The following MRTFA variants were observed in gnomAD, a reference collection of about 807,000 sequenced individuals.
The protein encoded by MRTFA is myocardin-related transcription factor A.
In MRTFA, 20 loss-of-function variants were observed where a neutral mutation model predicts 83.5. The observed-to-expected ratio is 0.24, with a 90% CI of 0.17 to 0.35. The LOEUF (loss-of-function observed/expected upper bound fraction) is 0.35, where lower values mean the gene tolerates loss of function less well. Among genes scored for constraint, MRTFA ranks in the 10% least tolerant of loss-of-function variants. The probability of loss-of-function intolerance (pLI) is 1.00; values close to 1 mark genes in which losing one functional copy is unlikely to be tolerated. For synonymous variants in MRTFA, 659 were observed against 541.2 expected, an observed-to-expected ratio of 1.22 and a Z score of -3.02; for missense variants, 1,200 against 1,224.7, an observed-to-expected ratio of 0.98 and a Z score of 0.30.
chr22:40,472,632 A>C (rs1189653185), intron 3 of MRTFA, among the ~76,000 whole-genome samples: 1 of 152,232 alleles, frequency 6.6e-6, no homozygotes, highest in Non-Finnish European at 1.5e-5. Flanking sequence ...AATCATGTGA[A>C]CACTTCTAGG....
At chr22:40,576,220 G>A (rs571145785) in intron 2 of MRTFA, among the ~76,000 whole-genome samples, 25 of 151,850 alleles carry the variant, frequency 1.6e-4, no homozygotes, top group African/African-American at 5.8e-4. Flanking sequence ...TAGTACAGAC[G>A]GGGTTTTGCC....
At chr22:40,415,627 C>G (rs375870963) in intron 14 of MRTFA, among the ~76,000 whole-genome samples, 2 of 152,092 alleles carry the variant, frequency 1.3e-5, no homozygotes, top group Non-Finnish European at 2.9e-5. Context: ...CTCCCCAGGA[C>G]CATCTCGGGG....
chr22:40,601,164 T>C (rs1191679480), intron 1 of MRTFA, among the ~76,000 whole-genome samples: 1 of 152,188 alleles, frequency 6.6e-6, no homozygotes, highest in East Asian at 1.9e-4. Context: ...TATAGCTCTT[T>C]CCTTTTGAAA....
In MRTFA at chr22:40,423,596, A is replaced by T; in HGVS notation, c.867T>A (p.Pro289=). ...TAGTGGTTCCATTGGTGAGGCTGGGAGGCAGCAGAGGTGGGGGAGGCAGAG... is the reference window on the plus strand; with the variant it reads ...TAGTGGTTCCATTGGTGAGGCTGGGTGGCAGCAGAGGTGGGGGAGGCAGAG... Residue 289 remains proline (P), a synonymous_variant, in exon 9 of 15, where the codon CCT becomes CCA. Coordinates refer to ENST00000355630, the MANE Select transcript of MRTFA (RefSeq NM_020831.6). 1.3e-6 allele frequency: 2 copies of T among 1,595,086 alleles called. No homozygotes were observed. Among genetic ancestry groups the T allele is most frequent in the South Asian group, 2.3e-5 (2 of 88,334 alleles).
At chr22:40,478,245 G>A (rs890218007) in intron 3 of MRTFA, among the ~76,000 whole-genome samples, 6 of 152,058 alleles carry the variant, frequency 3.9e-5, no homozygotes, top group Non-Finnish European at 1.5e-5. Context: ...ATCCTAGATT[G>A]GATCTGGGAA....
intron 3 of MRTFA, among the ~76,000 whole-genome samples, chr22:40,502,207 G>T (rs1232413306): frequency 2.8e-5 from 4 of 141,988 alleles, no homozygotes; most frequent in African/African-American, 8.0e-5. Context: ...GGGCGGAGAC[G>T]CTCCTCACTT....
intron 3 of MRTFA, among the ~76,000 whole-genome samples, chr22:40,543,453 C>T (rs965305787): frequency 1.3e-5 from 2 of 152,116 alleles, no homozygotes; most frequent in East Asian, 1.9e-4. Flanking sequence ...AGAGGAAAGG[C>T]CCTTTTCACT....
At chr22:40,460,114 G>A (rs1174772928) in intron 4 of MRTFA, among the ~76,000 whole-genome samples, 2 of 151,574 alleles carry the variant, frequency 1.3e-5, no homozygotes, top group Non-Finnish European at 1.5e-5. Context: ...TAGTAGAGAC[G>A]GGGTTTCACC....
chr22:40,540,103 G>C (rs2055264670), intron 3 of MRTFA, among the ~76,000 whole-genome samples: 1 of 151,580 alleles, frequency 6.6e-6, no homozygotes, highest in Admixed American at 6.6e-5. Flanking sequence ...AGAGATGGGG[G>C]TTGTCATCAT....
At chr22:40,470,260 T>G (rs1403850547) in intron 3 of MRTFA, among the ~76,000 whole-genome samples, 1 of 97,702 alleles carries the variant, frequency 1.0e-5, no homozygotes, top group African/African-American at 4.2e-5. Flanking sequence ...TATATATATA[T>G]ATATATATAT....
chr22:40,562,468 C>T (rs555128396), intron 2 of MRTFA, among the ~76,000 whole-genome samples: 2 of 149,748 alleles, frequency 1.3e-5, no homozygotes, highest in African/African-American at 4.9e-5. Flanking sequence ...AATCCTCACC[C>T]ACAAAATTGT....
chr22:40,477,130 G>A (rs1181196343), intron 3 of MRTFA, among the ~76,000 whole-genome samples: 1 of 141,740 alleles, frequency 7.1e-6, no homozygotes, highest in Non-Finnish European at 1.5e-5. Flanking sequence ...AGGAGGTCTA[G>A]GCCAGCCTGG....
chr22:40,551,967 T>TA (rs1405850505), intron 3 of MRTFA, 139 bp downstream of exon 3: 3 of 380,212 alleles, frequency 7.9e-6, no homozygotes, highest in Non-Finnish European at 1.4e-5. Context: ...CACTTTAACT[T>TA]ACAGCTATCT....
intron 1 of MRTFA, among the ~76,000 whole-genome samples, chr22:40,626,077 C>T (rs1053140147): frequency 6.7e-6 from 1 of 149,918 alleles, no homozygotes; most frequent in African/African-American, 2.5e-5. Flanking sequence ...TCCACCTCCC[C>T]GGTTCAAGCA....
intron 2 of MRTFA, among the ~76,000 whole-genome samples, chr22:40,559,928 A>T (rs2055588668): frequency 6.6e-6 from 1 of 152,236 alleles, no homozygotes; most frequent in South Asian, 2.1e-4. Context: ...TTACAGAATT[A>T]TTAAGGGCTT....
chr22:40,431,170 G>A (rs955909317), intron 6 of MRTFA, among the ~76,000 whole-genome samples: 1 of 152,222 alleles, frequency 6.6e-6, no homozygotes, highest in Admixed American at 6.5e-5. Flanking sequence ...AAGGGATGGT[G>A]AGACCCTGGA....
At chr22:40,511,912 T>C (rs1449187528) in intron 3 of MRTFA, among the ~76,000 whole-genome samples, 1 of 152,214 alleles carries the variant, frequency 6.6e-6, no homozygotes. Context: ...CCAGCCTTCC[T>C]TTTAAGGCTG....
intron 3 of MRTFA, among the ~76,000 whole-genome samples, chr22:40,488,980 T>C (rs2054220837): frequency 1.3e-5 from 2 of 152,118 alleles, no homozygotes. Flanking sequence ...ACATCATTCA[T>C]ATTGTATCAG....
In MRTFA at chr22:40,429,701, T is replaced by G. The variant is rs2053028521; in HGVS notation, c.506A>C (p.Asp169Ala). 1 of 1,613,962 alleles carries G rather than the reference T, an allele frequency of 6.2e-7. No individual in the cohort carries two copies. Among genetic ancestry groups the G allele is most frequent in the Admixed American group, 1.7e-5 (1 of 59,982 alleles). ...CCTCTGTGCAATCTTCTCATTGAGG[T>G]CATCGGCTAGTCTGGCTCTCTTCAG... Residue 169 changes from aspartate to alanine, a missense_variant, in exon 7 of 15, where the codon GAC (aspartate) becomes GCC (alanine). Coordinates refer to ENST00000355630, the MANE Select transcript of MRTFA (RefSeq NM_020831.6).
Sources: allele counts gnomAD v4.1 joint callset (sites outside exome capture counted in the v4.1 genomes callset), GRCh38; gene constraint gnomAD v4.1.1; transcripts MANE v1.5; gene names NCBI Gene and HGNC (gene_info 2026-07-23, HGNC 2026-07-21).